Variants in LRRC7 observed in about 807,000 individuals in gnomAD.
LRRC7 encodes leucine rich repeat containing 7.
LRRC7 carries 23 observed loss-of-function variants against 175.7 expected under a neutral mutation model. That is an observed-to-expected ratio of 0.13 (90% CI 0.09 to 0.19). The LOEUF is 0.19. Among genes scored for constraint, LRRC7 ranks in the 10% least tolerant of loss-of-function variants. The pLI is 1.00. For missense variants in LRRC7, 1,354 were observed against 1,904.7 expected, an observed-to-expected ratio of 0.71 and a Z score of 5.38; for synonymous variants, 685 against 680.9, an observed-to-expected ratio of 1.01 and a Z score of -0.09.
chr1:69,955,643 A>G (rs1285882897), intron 8 of LRRC7, among the ~76,000 whole-genome samples: 1 of 152,050 alleles, frequency 6.6e-6, no homozygotes, highest in Non-Finnish European at 1.5e-5. Context: ...AGGTTGATAA[A>G]ATTGGTATGT....
At chr1:69,575,964 G>A (rs1043276980) in intron 1 of LRRC7, among the ~76,000 whole-genome samples, 1 of 152,112 alleles carries the variant, frequency 6.6e-6, no homozygotes, top group Non-Finnish European at 1.5e-5. Context: ...TACATTTTGG[G>A]CTGGGTGACT....
At chr1:69,674,913 A>G (rs1659568817) in intron 1 of LRRC7, among the ~76,000 whole-genome samples, 1 of 152,174 alleles carries the variant, frequency 6.6e-6, no homozygotes, top group Admixed American at 6.5e-5. Context: ...TGTGATAATC[A>G]TTATTAATAA....
At chr1:70,097,116 G>A (rs1287619919) in intron 25 of LRRC7, among the ~76,000 whole-genome samples, 1 of 152,086 alleles carries the variant, frequency 6.6e-6, no homozygotes, top group Non-Finnish European at 1.5e-5. Flanking sequence ...AATAATTATA[G>A]AAATATTGAG....
intron 4 of LRRC7, among the ~76,000 whole-genome samples, chr1:69,820,152 T>G (rs1327661162): frequency 1.3e-5 from 2 of 152,106 alleles, no homozygotes. Context: ...TATATGGTGG[T>G]ATGTTTTAAA....
intron 11 of LRRC7, among the ~76,000 whole-genome samples, chr1:70,005,383 C>G (rs1331745021): frequency 1.3e-5 from 2 of 152,058 alleles, no homozygotes; most frequent in Non-Finnish European, 2.9e-5. Context: ...TAATGGTCAC[C>G]AATGATGTTA....
chr1:69,707,317 G>A (rs1049780452), intron 2 of LRRC7, among the ~76,000 whole-genome samples: 1 of 152,060 alleles, frequency 6.6e-6, no homozygotes, highest in African/African-American at 2.4e-5. Flanking sequence ...TTGACAGATG[G>A]GAGTAGAAGA....
chr1:70,082,781 ATTTTTTTTTTTTTTTT>A (rs1172403797), intron 24 of LRRC7, among the ~76,000 whole-genome samples: 2,001 of 52,346 alleles, frequency 0.038, 289 homozygotes, highest in African/African-American at 0.12. Context: ...ATACCAGTAC[ATTTTTTTTTTTTTTTT>A]TTTTTTTTTT....
intron 20 of LRRC7, 129 bp downstream of exon 20, chr1:70,036,753 A>G: frequency 1.0e-6 from 1 of 966,936 alleles, no homozygotes; most frequent in Non-Finnish European, 1.5e-6. Flanking sequence ...GGGGCAGGTA[A>G]GCAAATGTTG....
intron 23 of LRRC7, among the ~76,000 whole-genome samples, chr1:70,056,919 G>A (rs1416845513): frequency 6.6e-6 from 1 of 152,182 alleles, no homozygotes; most frequent in Non-Finnish European, 1.5e-5. Flanking sequence ...CGTCAAGCAA[G>A]ATAAGTATGA....
intron 1 of LRRC7, among the ~76,000 whole-genome samples, chr1:69,594,560 C>G (rs1557452292): frequency 6.6e-6 from 1 of 152,138 alleles, no homozygotes. Context: ...CCTCTTGGGG[C>G]TTCATATTGA....
At chr1:69,670,510 G>A (rs1054651978) in intron 1 of LRRC7, among the ~76,000 whole-genome samples, 1 of 152,048 alleles carries the variant, frequency 6.6e-6, no homozygotes, top group African/African-American at 2.4e-5. Flanking sequence ...CCACTCTCTG[G>A]CTACCACCTA....
intron 26 of LRRC7, among the ~76,000 whole-genome samples, chr1:70,113,709 C>T (rs1228114603): frequency 1.3e-5 from 2 of 149,430 alleles, no homozygotes; most frequent in Admixed American, 1.3e-4. Context: ...TTCTCAATGA[C>T]ATTTTTTGAC....
In LRRC7 at chr1:70,126,921, G is replaced by A. The variant is rs1337043267; in HGVS notation, c.*5034G>A. On this transcript the variant is annotated 3_prime_UTR_variant, in exon 27 of 27. Transcript: ENST00000651989. ...TAGATCCGTCCCTCCAACTCCCCATGTTTTTCCAAAGGCAGTGGATGTCTG... is the reference window on the plus strand; with the variant it reads ...TAGATCCGTCCCTCCAACTCCCCATATTTTTCCAAAGGCAGTGGATGTCTG... Among the ~76,000 whole-genome samples the A allele has an allele frequency of 6.6e-6, 1 of 152,138 alleles. No homozygotes were observed. The highest frequency in any genetic ancestry group is 1.5e-5 in the Non-Finnish European group (1 of 68,012).
In LRRC7 at chr1:69,711,202, T is replaced by C. The variant is rs191420659; in HGVS notation, c.100+32724T>C. Among the ~76,000 whole-genome samples, 179 of 152,360 alleles carry C rather than the reference T, an allele frequency of 1.2e-3. 1 individual carries two copies. The highest frequency in any genetic ancestry group is 3.9e-3 in the African/African-American group (161 of 41,598). On this transcript the variant is annotated intron_variant, in intron 2 of 26. Transcript: ENST00000651989. The stretch of plus-strand genomic sequence containing the variant: ...TGTGGTGTAATTTTTCCTAAAATGA[T>C]AAACTGAGTGTGGCTGTTTAAAATT...
chr1:70,086,299 A>G (rs2102158023), intron 24 of LRRC7, among the ~76,000 whole-genome samples: 1 of 152,038 alleles, frequency 6.6e-6, no homozygotes, highest in Non-Finnish European at 1.5e-5. Context: ...AATTTTTGTA[A>G]CAATCCATTT....
intron 7 of LRRC7, among the ~76,000 whole-genome samples, chr1:69,843,588 G>C (rs1324870505): frequency 2.0e-5 from 3 of 152,010 alleles, no homozygotes; most frequent in African/African-American, 7.2e-5. Context: ...CTTTTATTAA[G>C]TGATTTTGCC....
chr1:69,967,007 A>C (rs1260818654), intron 8 of LRRC7, among the ~76,000 whole-genome samples: 2 of 152,202 alleles, frequency 1.3e-5, no homozygotes, highest in Non-Finnish European at 2.9e-5. Flanking sequence ...AAGTTGGGGA[A>C]GAAAGAAAGC....
chr1:70,117,306 T>C (rs1665928148), intron 26 of LRRC7, among the ~76,000 whole-genome samples: 1 of 152,184 alleles, frequency 6.6e-6, no homozygotes, highest in Non-Finnish European at 1.5e-5. Context: ...TACAACATCA[T>C]CTGGACTGTT....
At chr1:70,100,571 T>C (rs1201766038) in intron 25 of LRRC7, among the ~76,000 whole-genome samples, 1 of 152,150 alleles carries the variant, frequency 6.6e-6, no homozygotes, top group East Asian at 1.9e-4. Context: ...TGATTTCCGT[T>C]GTAATATTTA....
Sources: gnomAD v4.1 joint callset for allele counts (sites outside exome capture counted in the v4.1 genomes callset) on GRCh38, gnomAD v4.1.1 for gene constraint, MANE v1.5 for transcripts, NCBI Gene and HGNC (gene_info 2026-07-23, HGNC 2026-07-21) for gene names.